The following GPM6B variants were observed in gnomAD, a reference collection of about 807,000 sequenced individuals.
The protein encoded by GPM6B is neuronal membrane glycoprotein M6-b.
In GPM6B, 4 loss-of-function variants were observed where a neutral mutation model predicts 27.2. The ratio of observed to expected loss-of-function variants is 0.15; its 90% confidence interval spans 0.07 to 0.34. The LOEUF is 0.34. Among genes scored for constraint, GPM6B ranks in the 10% least tolerant of loss-of-function variants. The probability of loss-of-function intolerance (pLI) is 1.00; values close to 1 mark genes in which losing one functional copy is unlikely to be tolerated. For missense variants in GPM6B, 183 were observed against 261.9 expected (o/e 0.70, Z 2.08); for synonymous variants, 124 against 103.1 (o/e 1.20, Z -1.23).
At chrX:13,814,283 A>C in intron 1 of GPM6B, among the ~76,000 whole-genome samples, 1 of 112,515 alleles carries the variant, frequency 8.9e-6, no homozygotes, top group Non-Finnish European at 1.9e-5. Context: ...ATTGGGCAAT[A>C]ATGCCCCAAA....
chrX:13,863,173 T>C (rs2049872194), intron 1 of GPM6B, among the ~76,000 whole-genome samples: 1 of 112,029 alleles, frequency 8.9e-6, no homozygotes, highest in Non-Finnish European at 1.9e-5. Flanking sequence ...TGAACATTTT[T>C]ACATATTCCA....
upstream of GPM6B, among the ~76,000 whole-genome samples, chrX:13,820,548 G>T (rs775443436): frequency 9.0e-6 from 1 of 110,950 alleles, no homozygotes; most frequent in Non-Finnish European, 1.9e-5. Flanking sequence ...TCAGTGTGGA[G>T]GCAGCCCTGG....
intron 1 of GPM6B, among the ~76,000 whole-genome samples, chrX:13,908,269 G>GGATTAAT (rs2050347382): frequency 9.0e-6 from 1 of 111,422 alleles, no homozygotes; most frequent in Admixed American, 9.6e-5. Context: ...CAAATGATCA[G>GGATTAAT]GATTAATATC....
intron 1 of GPM6B, among the ~76,000 whole-genome samples, chrX:13,922,604 A>T (rs902320036): frequency 8.9e-6 from 1 of 112,110 alleles, no homozygotes; most frequent in African/African-American, 3.2e-5. Flanking sequence ...GCTACTTCAC[A>T]TATGAGTTTT....
chrX:13,864,469 G>C (rs1167897097), intron 1 of GPM6B, among the ~76,000 whole-genome samples: 1 of 112,817 alleles, frequency 8.9e-6, no homozygotes, highest in African/African-American at 3.2e-5. Context: ...GAGCCGAGGG[G>C]CTGGTGCCCA....
chrX:13,837,230 T>A (rs867180672), intron 1 of GPM6B, among the ~76,000 whole-genome samples: 86 of 20,529 alleles, frequency 4.2e-3, no homozygotes, highest in African/African-American at 0.011. Flanking sequence ...CCTTGATATC[T>A]CATAAAGTTG....
chrX:13,852,572 A>G (rs1345813356), intron 1 of GPM6B, among the ~76,000 whole-genome samples: 2 of 110,969 alleles, frequency 1.8e-5, no homozygotes, highest in South Asian at 3.8e-4. Flanking sequence ...TACTAGACTT[A>G]ACTGTTCTGT....
chrX:13,928,720 T>C (rs762409070), intron 1 of GPM6B, among the ~76,000 whole-genome samples: 44 of 112,415 alleles, frequency 3.9e-4, no homozygotes, highest in African/African-American at 1.4e-3. Flanking sequence ...CGGGAAGACA[T>C]TGTGAAACAT....
chrX:13,907,857 C>T (rs2050344376), intron 1 of GPM6B, among the ~76,000 whole-genome samples: 1 of 112,281 alleles, frequency 8.9e-6, no homozygotes, highest in Non-Finnish European at 1.9e-5. Context: ...TTTTACTTTA[C>T]ACACAATTAT....
In GPM6B at chrX:13,771,822, A is replaced by C. The variant is rs2048304109; in HGVS notation, c.*1059T>G. Reference sequence around the variant, plus strand: ...AACTTTATTATTCCAGGAAACTAAGATTTAGATAAGAAAAAAATGAAATAC... The same window carrying C: ...AACTTTATTATTCCAGGAAACTAAGCTTTAGATAAGAAAAAAATGAAATAC... On this transcript the variant is annotated 3_prime_UTR_variant, in exon 8 of 8. Transcript: ENST00000316715. The C allele has an allele frequency of 8.9e-6, 1 of 112,376 alleles. No homozygotes were observed. Among genetic ancestry groups the C allele is most frequent in the Non-Finnish European group, 1.9e-5 (1 of 53,148 alleles). The allele number at this position is 112,376 out of a possible 1,213,427, so 9.3% of individuals were successfully genotyped here.
At chrX:13,822,961 C>T (rs1254438409) in intron 1 of GPM6B, among the ~76,000 whole-genome samples, 1 of 112,102 alleles carries the variant, frequency 8.9e-6, no homozygotes, top group Non-Finnish European at 1.9e-5. Flanking sequence ...TGGGTCCTTT[C>T]CATAATCAGA....
intron 1 of GPM6B, among the ~76,000 whole-genome samples, chrX:13,865,233 G>GTCACTAAAT (rs1376654409): frequency 9.1e-6 from 1 of 110,413 alleles, no homozygotes; most frequent in Non-Finnish European, 1.9e-5. Flanking sequence ...AACCCTCCAT[G>GTCACTAAAT]TCACTAAATG....
In GPM6B at chrX:13,931,313, C is replaced by T. The variant is rs1400355609; in HGVS notation, c.-198+7014G>A. ...CAAGGTCAGGCTATCATGGTGAAAC[C>T]CCATCTCTACTAAAAATACAAAAAA... On this transcript the variant is annotated intron_variant, in intron 1 of 6. Transcript: ENST00000398361. Among the ~76,000 whole-genome samples the T allele has an allele frequency of 1.4e-4, 15 of 109,859 alleles. No individual in the cohort carries two copies. In the South Asian group the frequency reaches 1.9e-3, roughly 14 times the overall value.
At chrX:13,894,134 G>C (rs1451121930) in intron 1 of GPM6B, among the ~76,000 whole-genome samples, 2 of 111,719 alleles carry the variant, frequency 1.8e-5, no homozygotes, top group African/African-American at 6.5e-5. Context: ...ACATCTCAGG[G>C]AACAACACTC....
chrX:13,877,870 C>T (rs1362175176), intron 1 of GPM6B, among the ~76,000 whole-genome samples: 2 of 100,643 alleles, frequency 2.0e-5, no homozygotes, highest in South Asian at 4.7e-4. Context: ...ATTTGCTTCG[C>T]CTTTTTTTTC....
At chrX:13,912,122 C>A (rs2050383666) in intron 1 of GPM6B, among the ~76,000 whole-genome samples, 1 of 112,025 alleles carries the variant, frequency 8.9e-6, no homozygotes, top group African/African-American at 3.2e-5. Flanking sequence ...AAAACTGAGG[C>A]CAAGACAAAG....
intron 2 of GPM6B, among the ~76,000 whole-genome samples, 187 bp downstream of exon 2, chrX:13,807,463 G>A (rs1405162314): frequency 1.8e-5 from 2 of 112,425 alleles, no homozygotes; most frequent in African/African-American, 6.5e-5. Context: ...GGGGTGGAAT[G>A]GAGAGGGAGA....
intron 1 of GPM6B, among the ~76,000 whole-genome samples, chrX:13,883,693 TAA>T (rs763473816): frequency 1.7e-4 from 13 of 76,936 alleles, no homozygotes; most frequent in Admixed American, 2.9e-4. Flanking sequence ...CTTCGTCTCT[TAA>T]AAAAAAAAAA....
At chrX:13,773,362 G>A (rs1045057333) in intron 7 of GPM6B, 60 of 153,085 alleles carry the variant, frequency 3.9e-4, no homozygotes, top group African/African-American at 1.7e-3. Flanking sequence ...AGACTAATGC[G>A]AAAGTTCGGG....
Sources: gnomAD v4.1 joint callset for allele counts (sites outside exome capture counted in the v4.1 genomes callset) on GRCh38, gnomAD v4.1.1 for gene constraint, MANE v1.5 for transcripts, NCBI Gene and HGNC (gene_info 2026-07-23, HGNC 2026-07-21) for gene names.